The following UGT2A2 variants were observed in gnomAD, a reference collection of about 807,000 sequenced individuals.
The protein encoded by UGT2A2 is UDP-glucuronosyltransferase 2A2.
UGT2A2 carries 60 observed loss-of-function variants against 50.7 expected under a neutral mutation model. The ratio of observed to expected loss-of-function variants is 1.18; its 90% CI spans 0.96 to 1.47. The LOEUF (loss-of-function observed/expected upper bound fraction) is 1.47. UGT2A2 is among the 40% of genes most tolerant of loss of function. UGT2A2 has a pLI of 0.00. For synonymous variants in UGT2A2, 242 were observed against 214.6 expected (o/e 1.13, Z -1.11); for missense variants, 762 against 634.0 (o/e 1.20, Z -2.17).
intron 1 of UGT2A2, among the ~76,000 whole-genome samples, chr4:69,604,651 T>G (rs540952018): frequency 7.3e-6 from 1 of 136,642 alleles, no homozygotes; most frequent in Non-Finnish European, 1.6e-5. Context: ...CCAAGACCCA[T>G]CAGTGTGCTG....
Position 69,594,650 on chromosome 4 carries a change from C to A in UGT2A2, c.1158G>T (p.Gly386=). ...KAFITHGGTN[G]IYEAIYHGVP... ...CTCCGTGGTAAATAGCTTCGTAGAT[C>A]CCATTAGTTCCACCATGAGTGATAA... The change falls in exon 5 of 6, where the codon GGG becomes GGT. Residue 386 remains glycine, a synonymous_variant. Coordinates refer to ENST00000604629, the MANE Select transcript of UGT2A2 (RefSeq NM_001105677.2). The A allele has an allele frequency of 3.7e-6, 6 of 1,614,054 alleles. No homozygotes were observed. The highest frequency in any genetic ancestry group is 4.2e-6 in the Non-Finnish European group (5 of 1,180,014).
rs1467969772 is a variant in UGT2A2, at chr4:69,588,760, C to A, written c.*612G>T. ...TTGAAGAAAGGCAGGCAAGTTATGC[C>A]GTGATTTTCTAGATATGCTTAATGA... is the stretch of plus-strand genomic sequence containing the variant. On this transcript the variant is annotated 3_prime_UTR_variant, in exon 6 of 6. Transcript: ENST00000604629. 1.3e-5 allele frequency: 2 copies of A among 151,876 alleles called. No homozygotes were observed. Among genetic ancestry groups the A allele is most frequent in the Non-Finnish European group, 2.9e-5 (2 of 67,996 alleles). 9.4% of individuals were successfully genotyped at this position (151,876 alleles called of 1,614,324 possible).
At chr4:69,596,511 T>C (rs1241598607) in intron 2 of UGT2A2, 130 bp from the exon 3 acceptor site, 15 of 1,258,472 alleles carry the variant, frequency 1.2e-5, no homozygotes, top group Non-Finnish European at 1.5e-5. Flanking sequence ...TCTTCTGACA[T>C]GTAGAAAGAT....
intron 1 of UGT2A2, among the ~76,000 whole-genome samples, chr4:69,634,323 A>T (rs1296577343): frequency 1.3e-5 from 2 of 152,068 alleles, no homozygotes; most frequent in African/African-American, 4.8e-5. Context: ...AAAGCTACAT[A>T]TAAGAAGGAA....
intron 1 of UGT2A2, among the ~76,000 whole-genome samples, chr4:69,622,750 AAG>A (rs1370173562): frequency 1.3e-5 from 2 of 151,756 alleles, no homozygotes; most frequent in African/African-American, 2.4e-5. Context: ...TAGCAAAGAG[AAG>A]GAAATCTTCA....
At chr4:69,599,961 G>A (rs1157718299) in intron 1 of UGT2A2, among the ~76,000 whole-genome samples, 1 of 152,162 alleles carries the variant, frequency 6.6e-6, no homozygotes, top group Non-Finnish European at 1.5e-5. Context: ...GGCATTGCTA[G>A]CATGCCTCTC....
chr4:69,626,968 T>C (rs1381905200), intron 1 of UGT2A2, among the ~76,000 whole-genome samples: 1 of 151,852 alleles, frequency 6.6e-6, no homozygotes, highest in Non-Finnish European at 1.5e-5. Context: ...CTGTTTTCGC[T>C]GCCTCAAACT....
At chr4:69,600,809 T>TGA (rs1719239851) in intron 1 of UGT2A2, among the ~76,000 whole-genome samples, 1 of 145,812 alleles carries the variant, frequency 6.9e-6, no homozygotes, top group South Asian at 2.2e-4. Context: ...GCTATACACT[T>TGA]AAAAAAAAAA....
chr4:69,618,627 G>C (rs1560482049), intron 1 of UGT2A2, among the ~76,000 whole-genome samples: 1 of 151,870 alleles, frequency 6.6e-6, no homozygotes, highest in African/African-American at 2.4e-5. Context: ...ATTAATTCCT[G>C]AAACCCTCGA....
At chr4:69,602,556 C>T (rs1187283657) in intron 1 of UGT2A2, among the ~76,000 whole-genome samples, 1 of 136,982 alleles carries the variant, frequency 7.3e-6, no homozygotes, top group Non-Finnish European at 1.6e-5. Flanking sequence ...GATAAATCTT[C>T]AGAATGAGGA....
chr4:69,590,006 T>C lies in UGT2A2; in HGVS notation c.1332-355A>G, dbSNP rs1471093924. Among the ~76,000 whole-genome samples, 3 of 152,324 alleles carry C rather than the reference T, an allele frequency of 2.0e-5. No homozygotes were observed. The East Asian group carries it at 5.8e-4, about 29-fold the overall frequency. ...TGGTACATAACCTAATACTGTGGGA[T>C]AAAAATCATTTAAGACATACATAAA... On this transcript the variant is annotated intron_variant, in intron 5 of 5. Coordinates refer to ENST00000604629, the MANE Select transcript of UGT2A2 (RefSeq NM_001105677.2).
intron 1 of UGT2A2, among the ~76,000 whole-genome samples, chr4:69,610,070 G>C (rs572294044): frequency 1.3e-5 from 2 of 152,040 alleles, no homozygotes; most frequent in Non-Finnish European, 2.9e-5. Flanking sequence ...GTTTCCATTG[G>C]AAGAATCATG....
intron 1 of UGT2A2, among the ~76,000 whole-genome samples, chr4:69,626,362 A>C (rs931530847): frequency 2.0e-5 from 3 of 151,762 alleles, no homozygotes; most frequent in African/African-American, 7.2e-5. Context: ...CAAAAAAAAA[A>C]CTATATACAT....
intron 1 of UGT2A2, among the ~76,000 whole-genome samples, chr4:69,627,702 A>G (rs1035321839): frequency 6.6e-6 from 1 of 151,944 alleles, no homozygotes; most frequent in African/African-American, 2.4e-5. Context: ...GTTCATAAAC[A>G]CTCATGAATA....
chr4:69,639,474 T>C lies in UGT2A2; in HGVS notation c.167A>G (p.Asn56Ser), dbSNP rs111732023. The change falls in exon 1 of 6, where the codon AAT (asparagine) becomes AGT (serine). Residue 56 changes from asparagine to serine, a missense_variant. By Grantham distance (46) the Asn-to-Ser change is conservative (BLOSUM62 1). Transcript: ENST00000604629. ...KIILEELIQR[N>S]HNVTVLASSA... ...TGAAGCCAGTACAGTCACATTGTGA[T>C]TTCTTTGAATCAACTCTTCTAGAAT... The C allele has an allele frequency of 1.7e-5, 28 of 1,613,168 alleles. 1 individual carries two copies. Among genetic ancestry groups the C allele is most frequent in the African/African-American group, 9.3e-5 (7 of 75,014 alleles).
intron 5 of UGT2A2, among the ~76,000 whole-genome samples, chr4:69,590,304 T>C (rs781731689): frequency 1.3e-5 from 2 of 152,246 alleles, no homozygotes; most frequent in East Asian, 3.8e-4. Context: ...CTAAATCAAC[T>C]TGCCATCACA....
intron 5 of UGT2A2, among the ~76,000 whole-genome samples, chr4:69,594,038 A>T (rs1041539968): frequency 6.7e-6 from 1 of 148,246 alleles, no homozygotes; most frequent in Non-Finnish European, 1.5e-5. Context: ...GCAGTGGCAC[A>T]ATCTTGGCTC....
chr4:69,639,397 C>G lies in UGT2A2; in HGVS notation c.244G>C (p.Val82Leu). Residue 82 changes from valine to leucine, a missense_variant, in exon 1 of 6, where the codon GTG (valine) becomes CTG (leucine). Physicochemically the swap from Val to Leu is conservative, Grantham distance 32. Transcript: ENST00000604629. The part of the protein sequence containing the change: ...SNPDSPVNFE[V>L]IPVSYKKSNI... ...CTCTTCTTGTAGGAAACAGGTATCA[C>G]TTCAAAATTCACAGGAGAATCGGGA... is the stretch of plus-strand genomic sequence containing the variant. The G allele has an allele frequency of 6.2e-7, 1 of 1,613,514 alleles. No homozygotes were observed. Among genetic ancestry groups the G allele is most frequent in the Non-Finnish European group, 8.5e-7 (1 of 1,179,652 alleles).
At chr4:69,604,889 C>T (rs1420320879) in intron 1 of UGT2A2, among the ~76,000 whole-genome samples, 1 of 136,722 alleles carries the variant, frequency 7.3e-6, no homozygotes, top group East Asian at 2.1e-4. Context: ...AATATATATG[C>T]ACCCAATACA....
Sources: gnomAD v4.1 joint callset for allele counts (sites outside exome capture counted in the v4.1 genomes callset) on GRCh38, gnomAD v4.1.1 for gene constraint, MANE v1.5 for transcripts, NCBI Gene and HGNC (gene_info 2026-07-23, HGNC 2026-07-21) for gene names.